Variants in DNMT1 observed in about 807,000 individuals in gnomAD.
DNMT1 encodes the protein DNA methyltransferase 1.
Under a neutral mutation model 205.3 loss-of-function variants are expected in DNMT1, and 24 were observed. The ratio of observed to expected loss-of-function variants is 0.12; its 90% CI spans 0.08 to 0.16. DNMT1 has a LOEUF of 0.16. DNMT1 is among the 10% of genes least tolerant of loss of function. The pLI is 1.00. For missense variants in DNMT1, 1,293 were observed against 2,177.7 expected, an observed-to-expected ratio of 0.59 and a Z score of 8.09; for synonymous variants, 817 against 839.8, an observed-to-expected ratio of 0.97 and a Z score of 0.47.
chr19:10,163,813 C>G (rs2038630350), intron 11 of DNMT1, among the ~76,000 whole-genome samples: 1 of 152,152 alleles, frequency 6.6e-6, no homozygotes, highest in Admixed American at 6.6e-5. Flanking sequence ...GAAGCTAAGG[C>G]AGGAGGATTG....
intron 5 of DNMT1, among the ~76,000 whole-genome samples, chr19:10,179,320 CAT>C (rs1491530124): frequency 6.6e-6 from 1 of 151,500 alleles, no homozygotes. Flanking sequence ...TCGAAAACAA[CAT>C]TTTTTTTTTT....
In DNMT1 at chr19:10,156,604, A is replaced by G; in HGVS notation, c.1281-95T>C. 2.3e-6 allele frequency: 2 copies of G among 863,776 alleles called. No homozygotes were observed. The highest frequency in any genetic ancestry group is 3.9e-6 in the Non-Finnish European group (2 of 507,690). The allele number at this position is 863,776 out of a possible 1,614,324, so 53.5% of individuals were successfully genotyped here. On this transcript the variant is annotated intron_variant, in intron 17 of 40. Transcript: ENST00000359526. The surrounding 1 kb of genome is among the most constrained non-coding windows in gnomAD (Gnocchi z 4.2). ...CAGGCACGAGGCAATGAGAGAATGTACAAGTCTGACACTCTTTTTTTGTTT... is the reference window on the plus strand; with the variant it reads ...CAGGCACGAGGCAATGAGAGAATGTGCAAGTCTGACACTCTTTTTTTGTTT...
chr19:10,135,504 G>A, intron 39 of DNMT1: 1 of 571,770 alleles, frequency 1.7e-6, no homozygotes, highest in Non-Finnish European at 3.2e-6. Context: ...TGTCCTTCTG[G>A]CTCAATCTCT....
intron 13 of DNMT1, among the ~76,000 whole-genome samples, chr19:10,161,364 A>AATAG (rs1270572042): frequency 1.3e-5 from 2 of 149,430 alleles, no homozygotes; most frequent in African/African-American, 4.9e-5. Flanking sequence ...TAAATAAATA[A>AATAG]CTGGCCAGGC....
chr19:10,138,025 A>T lies in DNMT1; in HGVS notation c.4116-16T>A, dbSNP rs775700127. 256 of 1,606,884 alleles carry T rather than the reference A, an allele frequency of 1.6e-4. No homozygotes were observed. The highest frequency in any genetic ancestry group is 1.9e-4 in the Non-Finnish European group (229 of 1,176,956). ...CGAGCTCAACCTGCAACAGAGGAGG[A>T]GGTCAACACCTCTGGAGATGCACGC... On this transcript the variant is annotated splice_polypyrimidine_tract_variant and intron_variant, in intron 35 of 40. Coordinates refer to ENST00000359526, the MANE Select transcript of DNMT1 (RefSeq NM_001130823.3). This position sits in a 1 kb window ranked among gnomAD's most constrained non-coding sequence, Gnocchi z 4.1.
rs756678908 is a variant in DNMT1 at position 10,136,238 on chromosome 19, G to A, written c.4539C>T (p.Pro1513=). 21 of 1,614,124 alleles carry A rather than the reference G, an allele frequency of 1.3e-5. No individual in the cohort carries two copies. The highest frequency in any genetic ancestry group is 1.8e-5 in the Non-Finnish European group (21 of 1,180,020). ...GGTTCCCGGTGTGGGGCAGGCACCA[G>A]GGGATGAGGGTGTTGAACTGCCTGG... ...PAARQFNTLI[P]WCLPHTGNRH... The change falls in exon 38 of 41, where the codon CCC becomes CCT. Residue 1513 remains proline, a synonymous_variant. Transcript: ENST00000359526.
At chr19:10,179,126 C>CAAAAA (rs1000467616) in intron 5 of DNMT1, among the ~76,000 whole-genome samples, 1 of 65,036 alleles carries the variant, frequency 1.5e-5, no homozygotes, top group Non-Finnish European at 3.3e-5. Context: ...GACTCCATCT[C>CAAAAA]AAAAAAAAAA....
intron 11 of DNMT1, among the ~76,000 whole-genome samples, chr19:10,166,346 C>T (rs1468827197): frequency 6.6e-6 from 1 of 152,138 alleles, no homozygotes; most frequent in Non-Finnish European, 1.5e-5. Flanking sequence ...AGCCCAGGCT[C>T]ACACAGACCC....
chr19:10,141,748 G>A (rs1381855980), intron 30 of DNMT1: 2 of 461,328 alleles, frequency 4.3e-6, no homozygotes, highest in Non-Finnish European at 7.9e-6. Flanking sequence ...ACGTTCAGTT[G>A]CACCAAGACA....
At chr19:10,148,116 C>CAAAAAAAA (rs35310173) in intron 27 of DNMT1, among the ~76,000 whole-genome samples, 6 of 59,290 alleles carry the variant, frequency 1.0e-4, no homozygotes, top group Non-Finnish European at 1.6e-4. Context: ...AACTCTGTCT[C>CAAAAAAAA]AAAAAAAAAA....
chr19:10,152,192 A>G (rs1450079642), intron 22 of DNMT1, among the ~76,000 whole-genome samples: 1 of 134,760 alleles, frequency 7.4e-6, no homozygotes, highest in African/African-American at 2.8e-5. Context: ...AAAAAAAAGG[A>G]AAAAAAAAGG....
intron 1 of DNMT1, among the ~76,000 whole-genome samples, chr19:10,190,004 C>T (rs965898893): frequency 4.6e-5 from 7 of 152,120 alleles, no homozygotes; most frequent in East Asian, 1.9e-4. Flanking sequence ...CTTAGCCATA[C>T]GGCTGGCAAG....
At chr19:10,175,337 T>C (rs1395542464) in intron 7 of DNMT1, among the ~76,000 whole-genome samples, 2 of 152,132 alleles carry the variant, frequency 1.3e-5, no homozygotes, top group Middle Eastern at 3.2e-3. Context: ...ACGAATTATA[T>C]ATATATACAT....
At chr19:10,158,399 G>A (rs2038499593) in intron 17 of DNMT1, among the ~76,000 whole-genome samples, 1 of 152,218 alleles carries the variant, frequency 6.6e-6, no homozygotes, top group Non-Finnish European at 1.5e-5. Context: ...ACGTGTGGGT[G>A]CCCTCCCAGT....
Position 10,149,330 on chromosome 19 carries a change from CA to C in DNMT1, c.2586+122del, listed in dbSNP as rs57314224. On this transcript the variant is annotated intron_variant, in intron 26 of 40. Coordinates refer to ENST00000359526, the MANE Select transcript of DNMT1 (RefSeq NM_001130823.3). ...ACAAGAGCGAAACTCAGTCTCAAAA[CA>C]AAAAAAAAAACAAAAAAAAAACCAA... 0.13 allele frequency: 128,521 copies of C among 962,916 alleles called. 5,108 individuals carry two copies. The highest frequency in any genetic ancestry group is 0.39 in the East Asian group (13,855 of 35,588). 59.6% of individuals were successfully genotyped at this position (962,916 alleles called of 1,614,324 possible). A position where few individuals can be genotyped will look rare whatever the true frequency, so the allele number is the denominator to read the frequency against.
intron 11 of DNMT1, among the ~76,000 whole-genome samples, chr19:10,164,729 A>G (rs1427898489): frequency 6.6e-6 from 1 of 151,634 alleles, no homozygotes; most frequent in African/African-American, 2.4e-5. Context: ...GGAGTTAGAG[A>G]CCAGCCTGGC....
chr19:10,154,316 G>T lies in DNMT1; in HGVS notation c.1996C>A (p.Arg666Ser). The T allele has an allele frequency of 6.2e-7, 1 of 1,614,168 alleles. No homozygotes were observed. The highest frequency in any genetic ancestry group is 8.5e-7 in the Non-Finnish European group (1 of 1,180,018). The part of the protein sequence containing the change: ...DREDKENAFK[R>S]RRCGVCEVCQ... ...ACCTCACAGACGCCACATCGCCGGC[G>T]CTTAAAGGCGTTCTCCTTGTCTTCT... The change falls in exon 22 of 41, where the codon CGC (arginine) becomes AGC (serine). Residue 666 changes from arginine (R) to serine (S), a missense_variant. Arg to Ser is a moderately radical substitution (Grantham distance 110). Transcript: ENST00000359526. The surrounding 1 kb of genome is among the most constrained non-coding windows in gnomAD (Gnocchi z 6.3).
intron 12 of DNMT1, chr19:10,163,064 T>A: frequency 1.8e-6 from 1 of 555,614 alleles, no homozygotes; most frequent in Non-Finnish European, 3.2e-6. Flanking sequence ...TCCTGGCTTC[T>A]AGCAGTTCTG....
intron 22 of DNMT1, among the ~76,000 whole-genome samples, chr19:10,153,691 G>A (rs1387605725): frequency 1.3e-5 from 2 of 149,832 alleles, no homozygotes; most frequent in African/African-American, 2.4e-5. Context: ...TTGGACACAC[G>A]TGTGTTAACC....
Sources: gnomAD v4.1 joint callset for allele counts (sites outside exome capture counted in the v4.1 genomes callset) on GRCh38, gnomAD v4.1.1 for gene constraint, Gnocchi (gnomAD v3.1) non-coding constraint, MANE v1.5 for transcripts, NCBI Gene and HGNC (gene_info 2026-07-23, HGNC 2026-07-21) for gene names.